The following L3MBTL2 variants were observed in gnomAD, a reference collection of about 807,000 sequenced individuals.
L3MBTL2 encodes L3MBTL histone methyl-lysine binding protein 2.
Under a neutral mutation model 86.4 loss-of-function variants are expected in L3MBTL2, and 49 were observed. The ratio of observed to expected loss-of-function variants is 0.57; its 90% CI spans 0.45 to 0.72. L3MBTL2 has a LOEUF of 0.72. Among genes scored for constraint, L3MBTL2 ranks in the 30% least tolerant of loss-of-function variants. L3MBTL2 has a pLI of 0.00. For missense variants in L3MBTL2, 755 were observed against 923.7 expected (o/e 0.82, Z 2.37); for synonymous variants, 336 against 350.6 (o/e 0.96, Z 0.47).
chr22:41,229,025 A>G (rs2032394284), intron 15 of L3MBTL2, among the ~76,000 whole-genome samples: 1 of 152,072 alleles, frequency 6.6e-6, no homozygotes, highest in Non-Finnish European at 1.5e-5. Flanking sequence ...TGAGAGGCTG[A>G]GGTGGGAGGA....
chr22:41,214,693 G>T (rs913712318), intron 3 of L3MBTL2: 1 of 152,174 alleles, frequency 6.6e-6, no homozygotes, highest in South Asian at 2.1e-4. Flanking sequence ...TTGCCTGCAT[G>T]TTGGGATCAC....
At position 41,225,012 on chromosome 22, in the gene L3MBTL2, A is replaced by G. The variant is rs776869831; in HGVS notation, c.1297A>G (p.Lys433Glu). ...AGGCGGTTGGTTTGAGGAAGGGATG[A>G]AGCTGGAGGCCATTGACCCCCTGAA... is the stretch of plus-strand genomic sequence containing the variant. ...TEGGWFEEGM[K>E]LEAIDPLNLG... The change falls in exon 11 of 17, where the codon AAG becomes GAG. Residue 433 changes from lysine to glutamate, a missense_variant. Around this residue, in one of 3 missense-constraint regions of L3MBTL2, gnomAD observed 634 missense variants for 748.9 expected, o/e 0.85. Transcript: ENST00000216237. This position sits in a 1 kb window ranked among gnomAD's most constrained non-coding sequence, Gnocchi z 4.1. 1.5e-5 allele frequency: 24 copies of G among 1,613,956 alleles called. No homozygotes were observed. The highest frequency in any genetic ancestry group is 2.0e-5 in the Non-Finnish European group (24 of 1,179,984).
Position 41,230,127 on chromosome 22 carries a change from C to A in L3MBTL2, c.2006-12C>A. 2 of 1,554,426 alleles carry A rather than the reference C, an allele frequency of 1.3e-6. No individual in the cohort carries two copies. The highest frequency in any genetic ancestry group is 1.8e-6 in the Non-Finnish European group (2 of 1,127,118). ...TTACTCGCCCACCCACCCGCCTCCCCTCCCTCTTCAGTCATTGCTGTGCGT... is the reference window on the plus strand; with the variant it reads ...TTACTCGCCCACCCACCCGCCTCCCATCCCTCTTCAGTCATTGCTGTGCGT... On this transcript the variant is annotated splice_polypyrimidine_tract_variant and intron_variant, in intron 16 of 16. Transcript: ENST00000216237.
chr22:41,219,904 C>T (rs1276005375), intron 6 of L3MBTL2, among the ~76,000 whole-genome samples: 6 of 152,154 alleles, frequency 3.9e-5, no homozygotes, highest in African/African-American at 1.4e-4. Context: ...CCACCACACA[C>T]GGCTAATGTT....
rs764759330 is a variant in L3MBTL2, at chr22:41,225,883, C to T, written c.1446C>T (p.His482=). 9 of 1,614,184 alleles carry T rather than the reference C, an allele frequency of 5.6e-6. No individual in the cohort carries two copies. The highest frequency in any genetic ancestry group is 4.5e-5 in the East Asian group (2 of 44,890). The change falls in exon 12 of 17, where the codon CAC becomes CAT. Residue 482 remains histidine (H), a synonymous_variant. Transcript: ENST00000216237. This position sits in a 1 kb window ranked among gnomAD's most constrained non-coding sequence, Gnocchi z 4.1. ...GGTTCTGCTACCATGCCTCTTCCCA[C>T]GCCATCTTCCCGGCCACCTTCTGTC... The part of the protein sequence containing the change: ...LDWFCYHASS[H]AIFPATFCQK...
At chr22:41,213,468 T>TC (rs1170074389) in intron 2 of L3MBTL2, among the ~76,000 whole-genome samples, 1 of 151,424 alleles carries the variant, frequency 6.6e-6, no homozygotes, top group Non-Finnish European at 1.5e-5. Flanking sequence ...TTTTTTTTTT[T>TC]TTTTTGGGCA....
intron 8 of L3MBTL2, 185 bp downstream of exon 8, chr22:41,221,472 C>T (rs994732677): frequency 4.5e-5 from 27 of 603,062 alleles, no homozygotes; most frequent in African/African-American, 4.2e-4. Context: ...TCTAGCCTGG[C>T]GTCGGCCACT....
At chr22:41,205,530 G>T in intron 1 of L3MBTL2, 144 bp downstream of exon 1, 2 of 1,006,988 alleles carry the variant, frequency 2.0e-6, no homozygotes, top group Non-Finnish European at 3.1e-6. Context: ...TGAGCCAGGG[G>T]CAGAGGCAAT....
intron 5 of L3MBTL2, chr22:41,217,646 C>A (rs553515875): frequency 1.2e-5 from 2 of 171,032 alleles, no homozygotes; most frequent in South Asian, 1.3e-4. Flanking sequence ...AAAGCCAGAA[C>A]GAAGGGCAAG....
intron 3 of L3MBTL2, among the ~76,000 whole-genome samples, chr22:41,214,959 CGA>C (rs1390242097): frequency 6.6e-6 from 1 of 151,670 alleles, no homozygotes; most frequent in Admixed American, 6.6e-5. Context: ...TGCAGTGAGC[CGA>C]GATCGTGCCA....
chr22:41,230,401 C>G lies in L3MBTL2; in HGVS notation c.*150C>G. On this transcript the variant is annotated 3_prime_UTR_variant, in exon 17 of 17. Coordinates refer to ENST00000216237, the MANE Select transcript of L3MBTL2 (RefSeq NM_031488.5). ...CTGTGAAGGCTGGACGGTGGAGGAC[C>G]TGCTGGGGTCTCCTGGGACCCGCCT... 1 of 638,802 alleles carries G rather than the reference C, an allele frequency of 1.6e-6. No individual in the cohort carries two copies. Among genetic ancestry groups the G allele is most frequent in the Non-Finnish European group, 2.8e-6 (1 of 362,952 alleles). The allele number at this position is 638,802 out of a possible 1,614,324, so 39.6% of individuals were successfully genotyped here.
intron 6 of L3MBTL2, 70 bp downstream of exon 6, chr22:41,219,606 T>G: frequency 9.8e-7 from 1 of 1,025,366 alleles, no homozygotes; most frequent in East Asian, 2.4e-5. Context: ...GTGAACAGTG[T>G]TGTAGGCAGG....
rs1410187767 is a variant in L3MBTL2 at position 41,227,926 on chromosome 22, G to A, written c.1888+57G>A. 1.2e-5 allele frequency: 19 copies of A among 1,593,032 alleles called. No individual in the cohort carries two copies. The highest frequency in any genetic ancestry group is 2.7e-5 in the African/African-American group (2 of 74,294). On this transcript the variant is annotated intron_variant, in intron 15 of 16. Transcript: ENST00000216237. This position sits in a 1 kb window ranked among gnomAD's most constrained non-coding sequence, Gnocchi z 6.0. ...GTGGGCCTGGGAGCAGTGGGCCTGC[G>A]TCCCTGGGAGCAGGCGGGGGTCAGC...
intron 1 of L3MBTL2, chr22:41,208,990 C>T (rs1475730420): frequency 2.0e-5 from 3 of 152,224 alleles, no homozygotes; most frequent in Admixed American, 6.5e-5. Flanking sequence ...ATCCACCCAC[C>T]TTGGCCTCGG....
Position 41,225,762 on chromosome 22 carries a change from T to C in L3MBTL2, c.1357-32T>C, listed in dbSNP as rs752139568. The C allele has an allele frequency of 6.3e-7, 1 of 1,593,776 alleles. No individual in the cohort carries two copies. Among genetic ancestry groups the C allele is most frequent in the Non-Finnish European group, 8.6e-7 (1 of 1,165,328 alleles). On this transcript the variant is annotated intron_variant, in intron 11 of 16. Transcript: ENST00000216237. This position sits in a 1 kb window ranked among gnomAD's most constrained non-coding sequence, Gnocchi z 4.1. ...CCAGGATGGGGTGCAGTTCATGATATGATCTGTCTGCCTGCTCCCCCCACC... is the reference window on the plus strand; with the variant it reads ...CCAGGATGGGGTGCAGTTCATGATACGATCTGTCTGCCTGCTCCCCCCACC...
At position 41,230,387 on chromosome 22, in the gene L3MBTL2, G is replaced by A. The variant is rs2032519198; in HGVS notation, c.*136G>A. 7 of 669,214 alleles carry A rather than the reference G, an allele frequency of 1.0e-5. No homozygotes were observed. The highest frequency in any genetic ancestry group is 1.8e-5 in the Non-Finnish European group (7 of 382,880). The allele number at this position is 669,214 out of a possible 1,614,324, so 41.5% of individuals were successfully genotyped here. ...AATTCTGCCCGGTGCTGTGAAGGCTGGACGGTGGAGGACCTGCTGGGGTCT... is the reference window on the plus strand; with the variant it reads ...AATTCTGCCCGGTGCTGTGAAGGCTAGACGGTGGAGGACCTGCTGGGGTCT... On this transcript the variant is annotated 3_prime_UTR_variant, in exon 17 of 17. Coordinates refer to ENST00000216237, the MANE Select transcript of L3MBTL2 (RefSeq NM_031488.5).
At position 41,208,591 on chromosome 22, in the gene L3MBTL2, C is replaced by T. The variant is rs560688898; in HGVS notation, c.25-1105C>T. The T allele has an allele frequency of 4.2e-5, 10 of 236,694 alleles. No homozygotes were observed. In the East Asian group the frequency reaches 1.4e-3, roughly 34 times the overall value. The allele number at this position is 236,694 out of a possible 1,614,324, so 14.7% of individuals were successfully genotyped here. On this transcript the variant is annotated intron_variant, in intron 1 of 16. Transcript: ENST00000216237. Reference sequence around the variant, plus strand: ...TAGCTAGTTAGGCTCAGAGCTGAATCTAGCGCTGTAGTACACACCAAGATG... The same window carrying T: ...TAGCTAGTTAGGCTCAGAGCTGAATTTAGCGCTGTAGTACACACCAAGATG...
intron 2 of L3MBTL2, among the ~76,000 whole-genome samples, chr22:41,210,372 T>C (rs182464187): frequency 7.2e-5 from 11 of 151,862 alleles, no homozygotes; most frequent in Admixed American, 6.6e-4. Context: ...CTCTGTTGCC[T>C]AGGCTGGAGT....
At position 41,227,372 on chromosome 22, in the gene L3MBTL2, T is replaced by C; in HGVS notation, c.1822+49T>C. ...AGGCTCTGACTTTCTTTCCTCTTCTTTTTTCCTTCTTCCCCCGCCCCTGTG... is the reference window on the plus strand; with the variant it reads ...AGGCTCTGACTTTCTTTCCTCTTCTCTTTTCCTTCTTCCCCCGCCCCTGTG... On this transcript the variant is annotated intron_variant, in intron 14 of 16. Transcript: ENST00000216237. The surrounding 1 kb of genome is among the most constrained non-coding windows in gnomAD (Gnocchi z 6.0). 6.7e-7 allele frequency: 1 copy of C among 1,498,518 alleles called. No individual in the cohort carries two copies. Among genetic ancestry groups the C allele is most frequent in the Non-Finnish European group, 9.1e-7 (1 of 1,099,702 alleles). 92.8% of individuals were successfully genotyped at this position (1,498,518 alleles called of 1,614,324 possible). A position where few individuals can be genotyped will look rare whatever the true frequency, so the allele number is the denominator to read the frequency against.
Sources: allele counts gnomAD v4.1 joint callset (sites outside exome capture counted in the v4.1 genomes callset), GRCh38; gene constraint gnomAD v4.1.1; regional missense constraint gnomAD v4.1.1; non-coding constraint Gnocchi (gnomAD v3.1); transcripts MANE v1.5; gene names NCBI Gene and HGNC (gene_info 2026-07-23, HGNC 2026-07-21).